The following RGS6 variants were observed in gnomAD, a reference collection of about 807,000 sequenced individuals.
RGS6 encodes the protein regulator of G-protein signaling 6.
RGS6 carries 30 observed loss-of-function variants against 78.5 expected under a neutral mutation model. The observed-to-expected ratio is 0.38, with a 90% CI of 0.29 to 0.52. RGS6 has a LOEUF of 0.52. RGS6 is among the 20% of genes least tolerant of loss of function. The pLI is 0.85. For missense variants in RGS6, 495 were observed against 609.7 expected (o/e 0.81, Z 1.98); for synonymous variants, 206 against 206.0 (o/e 1.00, Z 0.00).
At chr14:72,408,351 G>A (rs1288019194) in intron 3 of RGS6, among the ~76,000 whole-genome samples, 1 of 152,046 alleles carries the variant, frequency 6.6e-6, no homozygotes. Context: ...TCTTTTCATT[G>A]TTTAGTATAA....
At chr14:72,410,915 T>A (rs2093362224) in intron 3 of RGS6, among the ~76,000 whole-genome samples, 1 of 152,208 alleles carries the variant, frequency 6.6e-6, no homozygotes. Context: ...TCTGTTCTGT[T>A]CCATTGGTCT....
At chr14:72,124,704 T>G (rs955896955) in intron 2 of RGS6, among the ~76,000 whole-genome samples, 4 of 152,192 alleles carry the variant, frequency 2.6e-5, no homozygotes. Flanking sequence ...CTTGTATAAA[T>G]TTTGAATTAT....
intron 2 of RGS6, among the ~76,000 whole-genome samples, chr14:72,276,781 G>T (rs2060738878): frequency 6.6e-6 from 1 of 151,948 alleles, no homozygotes; most frequent in Non-Finnish European, 1.5e-5. Flanking sequence ...AGAACTGTGA[G>T]TCAATCAAAA....
At chr14:72,372,743 A>G (rs763597529) in intron 3 of RGS6, among the ~76,000 whole-genome samples, 4 of 152,180 alleles carry the variant, frequency 2.6e-5, no homozygotes, top group Non-Finnish European at 5.9e-5. Context: ...ACTGGTGATG[A>G]TTAGGGGTCC....
At chr14:72,537,371 T>A in intron 16 of RGS6, 2 of 649,842 alleles carry the variant, frequency 3.1e-6, no homozygotes, top group South Asian at 3.5e-5. Flanking sequence ...ACCACACAAC[T>A]CCAGAGTCCT....
intron 2 of RGS6, among the ~76,000 whole-genome samples, chr14:72,168,379 G>T (rs2096959232): frequency 1.3e-5 from 2 of 152,194 alleles, no homozygotes; most frequent in South Asian, 4.1e-4. Flanking sequence ...GAATCCTGAT[G>T]GCGGGGAATC....
At chr14:72,360,705 A>G (rs183911486) in intron 3 of RGS6, among the ~76,000 whole-genome samples, 9 of 152,312 alleles carry the variant, frequency 5.9e-5, no homozygotes, top group Admixed American at 1.3e-4. Context: ...AGGAGAGATC[A>G]TAAGTTATAA....
the RGS6 span, among the ~76,000 whole-genome samples, chr14:72,582,529 T>C: frequency 6.6e-6 from 1 of 152,188 alleles, no homozygotes; most frequent in Non-Finnish European, 1.5e-5. Flanking sequence ...ACAAAATAGA[T>C]GGCAAAATCA....
chr14:71,962,383 G>A (rs1160987833), intron 1 of RGS6, among the ~76,000 whole-genome samples: 1 of 152,140 alleles, frequency 6.6e-6, no homozygotes, highest in Non-Finnish European at 1.5e-5. Context: ...CTAGATAGAA[G>A]AGAATGTGCT....
At chr14:72,147,959 A>T (rs188897264) in intron 2 of RGS6, among the ~76,000 whole-genome samples, 1 of 151,994 alleles carries the variant, frequency 6.6e-6, no homozygotes, top group African/African-American at 2.4e-5. Context: ...GTGAAACCCC[A>T]TCTCTACTAA....
At chr14:72,293,830 AAC>A (rs1388170357) in intron 2 of RGS6, among the ~76,000 whole-genome samples, 1 of 152,206 alleles carries the variant, frequency 6.6e-6, no homozygotes, top group African/African-American at 2.4e-5. Flanking sequence ...GCAACTATTC[AAC>A]TCTGCTCTTA....
intron 3 of RGS6, among the ~76,000 whole-genome samples, chr14:72,400,372 C>T (rs981728879): frequency 1.4e-4 from 22 of 152,168 alleles, no homozygotes; most frequent in African/African-American, 5.1e-4. Flanking sequence ...GAACTTCGAG[C>T]AATGAAAGAA....
At chr14:72,044,185 T>G (rs1424769336) in intron 2 of RGS6, among the ~76,000 whole-genome samples, 2 of 152,226 alleles carry the variant, frequency 1.3e-5, no homozygotes, top group Admixed American at 6.5e-5. Context: ...CCTGTTGACA[T>G]TACCTGTCTG....
intron 2 of RGS6, among the ~76,000 whole-genome samples, chr14:72,309,615 T>C (rs182460158): frequency 1.7e-4 from 26 of 152,370 alleles, no homozygotes; most frequent in Admixed American, 2.6e-4. Context: ...GGTTGCTTAC[T>C]TGATAAATAT....
chr14:72,506,590 A>ACAGACTCC (rs2096803233), intron 13 of RGS6, among the ~76,000 whole-genome samples: 1 of 152,236 alleles, frequency 6.6e-6, no homozygotes, highest in South Asian at 2.1e-4. Context: ...TTTTAATAGA[A>ACAGACTCC]CAGACTCCCA....
At chr14:72,547,763 T>G (rs2097430216) in intron 17 of RGS6, among the ~76,000 whole-genome samples, 1 of 152,046 alleles carries the variant, frequency 6.6e-6, no homozygotes, top group Non-Finnish European at 1.5e-5. Flanking sequence ...GGTTCTTCCA[T>G]GCCCCCTAAT....
chr14:72,338,666 C>A (rs533653456), intron 2 of RGS6, among the ~76,000 whole-genome samples: 2 of 152,212 alleles, frequency 1.3e-5, no homozygotes, highest in Non-Finnish European at 2.9e-5. Flanking sequence ...GGAACTCTTA[C>A]AAACCTATAC....
the RGS6 span, among the ~76,000 whole-genome samples, chr14:71,910,587 C>T: frequency 6.6e-6 from 1 of 152,332 alleles, no homozygotes; most frequent in East Asian, 1.9e-4. Context: ...TCTGCCCCTA[C>T]TACGAACTTA....
rs182653881 is a variant in RGS6, at chr14:72,260,819, G to C, written c.85-91276G>C. Among the ~76,000 whole-genome samples the C allele has an allele frequency of 7.9e-5, 12 of 152,318 alleles. No homozygotes were observed. The South Asian group carries it at 2.5e-3, about 32-fold the overall frequency. On this transcript the variant is annotated intron_variant, in intron 2 of 17. Transcript: ENST00000553525. Reference sequence around the variant, plus strand: ...GTATTTGATAGATGCAAAGTTGCTAGAGCAGCCTGTGAAAGTGAGGCAAAG... The same window carrying C: ...GTATTTGATAGATGCAAAGTTGCTACAGCAGCCTGTGAAAGTGAGGCAAAG...
Sources: gnomAD v4.1 joint callset for allele counts (sites outside exome capture counted in the v4.1 genomes callset) on GRCh38, gnomAD v4.1.1 for gene constraint, MANE v1.5 for transcripts, NCBI Gene and HGNC (gene_info 2026-07-23, HGNC 2026-07-21) for gene names.